The following THSD4 variants were observed in gnomAD, a reference collection of about 807,000 sequenced individuals.
THSD4 encodes the protein thrombospondin type 1 domain containing 4.
In THSD4, 69 loss-of-function variants were observed where a neutral mutation model predicts 119.0. The ratio of observed to expected loss-of-function variants is 0.58; its 90% confidence interval spans 0.48 to 0.71. The LOEUF is 0.71. Among genes scored for constraint, THSD4 ranks in the 30% least tolerant of loss-of-function variants. The pLI is 0.00. For synonymous variants in THSD4, 524 were observed against 540.4 expected, an observed-to-expected ratio of 0.97 and a Z score of 0.42; for missense variants, 1,393 against 1,391.1, an observed-to-expected ratio of 1.00 and a Z score of -0.02.
intron 10 of THSD4, among the ~76,000 whole-genome samples, chr15:71,737,020 G>A (rs558490813): frequency 2.6e-5 from 4 of 152,282 alleles, no homozygotes; most frequent in East Asian, 3.9e-4. Context: ...ATGTCGGAAC[G>A]TTATATTTGC....
intron 6 of THSD4, among the ~76,000 whole-genome samples, chr15:71,399,745 C>T (rs1369586918): frequency 6.6e-6 from 1 of 152,126 alleles, no homozygotes; most frequent in Non-Finnish European, 1.5e-5. Flanking sequence ...AATGAACCTT[C>T]TTGGGCTCCA....
intron 6 of THSD4, among the ~76,000 whole-genome samples, chr15:71,376,995 G>T (rs1193881740): frequency 6.6e-6 from 1 of 152,178 alleles, no homozygotes; most frequent in Admixed American, 6.5e-5. Flanking sequence ...TGTGCAGGGT[G>T]ATGTGCAGGG....
chr15:71,391,914 G>C lies in THSD4; in HGVS notation c.1016-19773G>C, dbSNP rs555686603. 6.6e-5 allele frequency among the ~76,000 whole-genome samples: 10 copies of C among 152,278 alleles called. No individual in the cohort carries two copies. The South Asian group carries it at 1.9e-3, about 28-fold the overall frequency. On this transcript the variant is annotated intron_variant, in intron 6 of 17. Transcript: ENST00000261862. Reference sequence around the variant, plus strand: ...ATACAGAGGAAGGAAATAGAATAATGAGACCCTCAACAGCATTTCTAGATT... The same window carrying C: ...ATACAGAGGAAGGAAATAGAATAATCAGACCCTCAACAGCATTTCTAGATT...
chr15:71,107,984 A>C (rs2040281135), intron 1 of THSD4, among the ~76,000 whole-genome samples: 1 of 151,976 alleles, frequency 6.6e-6, no homozygotes, highest in Non-Finnish European at 1.5e-5. Context: ...TGTCCATTCC[A>C]CTCTGCAACC....
chr15:71,150,910 G>T (rs753973369), intron 2 of THSD4, among the ~76,000 whole-genome samples: 1 of 152,276 alleles, frequency 6.6e-6, no homozygotes, highest in Non-Finnish European at 1.5e-5. Context: ...AGTGAATTAA[G>T]CTCCTACTAT....
At chr15:71,764,580 G>A (rs2141207927) in intron 15 of THSD4, among the ~76,000 whole-genome samples, 1 of 152,378 alleles carries the variant, frequency 6.6e-6, no homozygotes, top group East Asian at 1.9e-4. Context: ...GGTGTGCAGA[G>A]TGTAGGAGTT....
At chr15:71,735,909 GCT>G (rs1262930683) in intron 10 of THSD4, among the ~76,000 whole-genome samples, 1 of 113,228 alleles carries the variant, frequency 8.8e-6, no homozygotes, top group African/African-American at 3.5e-5. Context: ...TGTCTCTCTT[GCT>G]CTCTGTCTCT....
intron 10 of THSD4, chr15:71,733,509 A>G (rs2053022145): frequency 6.6e-6 from 1 of 152,204 alleles, no homozygotes; most frequent in Admixed American, 6.5e-5. Flanking sequence ...GTCCAACAAC[A>G]TCTTGGACAG....
At chr15:71,536,082 T>G (rs1371683871) in intron 7 of THSD4, among the ~76,000 whole-genome samples, 1 of 152,240 alleles carries the variant, frequency 6.6e-6, no homozygotes, top group African/African-American at 2.4e-5. Context: ...GTCTATATAT[T>G]AGTGTCCTAT....
chr15:71,471,827 G>A (rs187669008), intron 7 of THSD4, among the ~76,000 whole-genome samples: 4 of 152,226 alleles, frequency 2.6e-5, no homozygotes, highest in South Asian at 2.1e-4. Flanking sequence ...AGGCTGTGTA[G>A]GGGTTTCAGA....
rs552845479 is a variant in THSD4 at position 71,459,732 on chromosome 15, ATAAC to A, written c.1152+47914_1152+47917del. ...TATATAAACTAAAAAGTTACATATA[ATAAC>A]TAACCTTACTTAAGAATAACATTTT... is the stretch of plus-strand genomic sequence containing the variant. On this transcript the variant is annotated intron_variant, in intron 7 of 17. Coordinates refer to ENST00000261862, the MANE Select transcript of THSD4 (RefSeq NM_024817.3). 1.7e-3 allele frequency among the ~76,000 whole-genome samples: 257 copies of A among 152,366 alleles called. 3 individuals carry two copies. The highest frequency in any genetic ancestry group is 5.0e-3 in the African/African-American group (206 of 41,592).
chr15:71,264,639 T>A (rs530741624), intron 6 of THSD4, among the ~76,000 whole-genome samples: 1 of 152,230 alleles, frequency 6.6e-6, no homozygotes, highest in Non-Finnish European at 1.5e-5. Context: ...TCAACCTTGG[T>A]GAGATTAGTG....
At chr15:71,199,473 G>GGTGTGTGTGTGTGGGGTGTGTGTGGTGT (rs1596264315) in intron 3 of THSD4, among the ~76,000 whole-genome samples, 1 of 141,246 alleles carries the variant, frequency 7.1e-6, no homozygotes, top group Non-Finnish European at 1.5e-5. Flanking sequence ...GTGTGTGTGT[G>GGTGTGTGTGTGTGGGGTGTGTGTGGTGT]GTGTGTGTGT....
intron 1 of THSD4, among the ~76,000 whole-genome samples, chr15:71,122,121 T>C (rs1249291021): frequency 6.6e-6 from 1 of 152,156 alleles, no homozygotes; most frequent in African/African-American, 2.4e-5. Context: ...TGCTTGACTT[T>C]AGCGATATTT....
At chr15:71,368,452 A>C (rs574963769) in intron 6 of THSD4, among the ~76,000 whole-genome samples, 57 of 152,250 alleles carry the variant, frequency 3.7e-4, no homozygotes, top group African/African-American at 1.3e-3. Context: ...ATCTTGAATT[A>C]ATTTTTGTAT....
intron 1 of THSD4, among the ~76,000 whole-genome samples, chr15:71,126,221 G>A (rs866329851): frequency 3.3e-5 from 5 of 152,264 alleles, no homozygotes; most frequent in Middle Eastern, 3.4e-3. Flanking sequence ...CAGCAGTAAC[G>A]AAGCCATGCA....
At chr15:71,597,316 A>G (rs977120507) in intron 7 of THSD4, among the ~76,000 whole-genome samples, 6 of 152,192 alleles carry the variant, frequency 3.9e-5, no homozygotes, top group Non-Finnish European at 5.9e-5. Context: ...ATTGATATGT[A>G]TTATACCTTG....
chr15:71,329,300 G>A (rs533166526), intron 6 of THSD4, among the ~76,000 whole-genome samples: 1 of 152,252 alleles, frequency 6.6e-6, no homozygotes, highest in South Asian at 2.1e-4. Flanking sequence ...GGCCTCGGCT[G>A]GAATCTCACG....
chr15:71,330,704 G>A (rs1257581064), intron 6 of THSD4, among the ~76,000 whole-genome samples: 1 of 152,088 alleles, frequency 6.6e-6, no homozygotes, highest in African/African-American at 2.4e-5. Flanking sequence ...CAGGACCCAG[G>A]TGAAGAGAAC....
Sources: gnomAD v4.1 joint callset for allele counts (sites outside exome capture counted in the v4.1 genomes callset) on GRCh38, gnomAD v4.1.1 for gene constraint, MANE v1.5 for transcripts, NCBI Gene and HGNC (gene_info 2026-07-23, HGNC 2026-07-21) for gene names.